SOCS4: variants seen among roughly 807,000 people sequenced by gnomAD.
SOCS4 encodes suppressor of cytokine signaling 4, also known as SH2 domain containing SOCS box protein.
SOCS4 carries 20 observed loss-of-function variants against 34.1 expected under a neutral mutation model. The observed-to-expected ratio is 0.59, with a 90% CI of 0.41 to 0.85. The LOEUF (loss-of-function observed/expected upper bound fraction) is 0.85. Among genes scored for constraint, SOCS4 ranks in the 40% least tolerant of loss-of-function variants. The pLI, the probability that SOCS4 is intolerant of heterozygous loss-of-function variation, is 0.00. For synonymous variants in SOCS4, 180 were observed against 186.4 expected (o/e 0.97, Z 0.28); for missense variants, 479 against 532.4 (o/e 0.90, Z 0.99).
intron 2 of SOCS4, among the ~76,000 whole-genome samples, chr14:55,034,599 C>T (rs554303599): frequency 6.6e-6 from 1 of 151,870 alleles, no homozygotes; most frequent in African/African-American, 2.4e-5. Flanking sequence ...TTTGGGAGGC[C>T]GAGGCAGGTG....
chr14:55,041,848 G>A (rs571451336), intron 2 of SOCS4, among the ~76,000 whole-genome samples: 6 of 128,354 alleles, frequency 4.7e-5, no homozygotes, highest in Admixed American at 1.9e-4. Flanking sequence ...CTGGAGTGCC[G>A]TGGCGCAGTC....
rs2042656277 is a variant in SOCS4 at position 55,044,505 on chromosome 14, C to A, written c.*141C>A. Reference sequence around the variant, plus strand: ...CTGCCCTAAATTTTACTAATAAATCCATTTTTCTAGTGATACACAAATTGT... The same window carrying A: ...CTGCCCTAAATTTTACTAATAAATCAATTTTTCTAGTGATACACAAATTGT... On this transcript the variant is annotated 3_prime_UTR_variant, in exon 3 of 3. Coordinates refer to ENST00000555846, the MANE Select transcript of SOCS4 (RefSeq NM_199421.2). The A allele has an allele frequency of 5.8e-6, 3 of 518,070 alleles. No individual in the cohort carries two copies. The highest frequency in any genetic ancestry group is 9.1e-6 in the Non-Finnish European group (3 of 328,956). The allele number at this position is 518,070 out of a possible 1,614,324, so 32.1% of individuals were successfully genotyped here.
chr14:55,036,076 C>T (rs1469235947), intron 2 of SOCS4, among the ~76,000 whole-genome samples: 1 of 152,182 alleles, frequency 6.6e-6, no homozygotes, highest in Non-Finnish European at 1.5e-5. Context: ...TGTGGGAATG[C>T]ATCCTTGCCA....
At chr14:55,036,059 G>A (rs762678077) in intron 2 of SOCS4, among the ~76,000 whole-genome samples, 18 of 152,066 alleles carry the variant, frequency 1.2e-4, no homozygotes, top group Non-Finnish European at 1.3e-4. Flanking sequence ...GCCTGCCGCC[G>A]CTATGCTGTG....
chr14:55,037,417 G>A (rs575848651), intron 2 of SOCS4, among the ~76,000 whole-genome samples: 7 of 150,958 alleles, frequency 4.6e-5, no homozygotes, highest in Middle Eastern at 3.6e-3. Flanking sequence ...GATTACAGGC[G>A]TGAGCCACCG....
chr14:55,035,422 C>T (rs2140244497), intron 2 of SOCS4, among the ~76,000 whole-genome samples: 1 of 152,258 alleles, frequency 6.6e-6, no homozygotes, highest in Non-Finnish European at 1.5e-5. Flanking sequence ...TGAGTTTCAC[C>T]TGTATCTGAC....
intron 2 of SOCS4, among the ~76,000 whole-genome samples, chr14:55,040,661 AT>A (rs2042609439): frequency 6.6e-6 from 1 of 151,842 alleles, no homozygotes; most frequent in Non-Finnish European, 1.5e-5. Flanking sequence ...GGAGAATGGC[AT>A]GTACCCGGGA....
chr14:55,040,972 A>G (rs955610070), intron 2 of SOCS4, among the ~76,000 whole-genome samples: 2 of 151,098 alleles, frequency 1.3e-5, no homozygotes, highest in African/African-American at 4.9e-5. Context: ...GCTCACTGCA[A>G]CCTCTGCCTC....
rs1194161893 is a variant in SOCS4 at position 55,047,884 on chromosome 14, G to A, written c.*3520G>A. 1.2e-5 allele frequency: 2 copies of A among 167,058 alleles called. No individual in the cohort carries two copies. The highest frequency in any genetic ancestry group is 6.5e-5 in the Admixed American group (1 of 15,276). 10.3% of individuals were successfully genotyped at this position (167,058 alleles called of 1,614,324 possible). ...AGTTTGGATCATTTTATAGATCCAC[G>A]CAATAGAGAGCTTCCTTCCTATGAA... On this transcript the variant is annotated 3_prime_UTR_variant, in exon 3 of 3. Transcript: ENST00000555846.
intron 2 of SOCS4, among the ~76,000 whole-genome samples, chr14:55,040,059 A>G (rs2042604173): frequency 2.0e-5 from 3 of 152,272 alleles, no homozygotes; most frequent in Admixed American, 6.5e-5. Flanking sequence ...TTCAAACCTT[A>G]TTAATAAATG....
At chr14:55,041,038 C>T (rs1190494200) in intron 2 of SOCS4, among the ~76,000 whole-genome samples, 1 of 151,920 alleles carries the variant, frequency 6.6e-6, no homozygotes, top group Non-Finnish European at 1.5e-5. Flanking sequence ...AGGCGTGCGC[C>T]ACCACACCCA....
chr14:55,043,360 A>C lies in SOCS4; in HGVS notation c.319A>C (p.Asn107His). Residue 107 changes from asparagine (N) to histidine (H), a missense_variant, in exon 3 of 3, where the codon AAT (asparagine) becomes CAT (histidine). Transcript: ENST00000555846. Reference protein sequence around the residue: ...DAVGQCFPIKNCSSRHSSGLP... With the variant: ...DAVGQCFPIKHCSSRHSSGLP... Reference sequence around the variant, plus strand: ...CGTGGGGCAGTGTTTTCCAATAAAGAATTGTAGTAGTCGGCACTCTTCAGG... The same window carrying C: ...CGTGGGGCAGTGTTTTCCAATAAAGCATTGTAGTAGTCGGCACTCTTCAGG... 6.2e-7 allele frequency: 1 copy of C among 1,614,224 alleles called. No homozygotes were observed. The highest frequency in any genetic ancestry group is 8.5e-7 in the Non-Finnish European group (1 of 1,180,038).
chr14:55,043,781 C>G lies in SOCS4; in HGVS notation c.740C>G (p.Pro247Arg). 6.2e-7 allele frequency: 1 copy of G among 1,614,010 alleles called. No individual in the cohort carries two copies. The highest frequency in any genetic ancestry group is 8.5e-7 in the Non-Finnish European group (1 of 1,179,990). ...LCTSSRKRNK[P>R]KWDLDDEILQ... ...ACAAGTTCCAGAAAAAGAAACAAAC[C>G]CAAATGGGATTTGGATGATGAAATC... is the stretch of plus-strand genomic sequence containing the variant. The change falls in exon 3 of 3, where the codon CCC becomes CGC. Residue 247 changes from proline to arginine, a missense_variant. Transcript: ENST00000555846.
At position 55,044,462 on chromosome 14, in the gene SOCS4, G is replaced by T; in HGVS notation, c.*98G>T. The T allele has an allele frequency of 2.2e-6, 2 of 926,304 alleles. No individual in the cohort carries two copies. Among genetic ancestry groups the T allele is most frequent in the Non-Finnish European group, 1.4e-6 (1 of 690,364 alleles). The allele number at this position is 926,304 out of a possible 1,614,324, so 57.4% of individuals were successfully genotyped here. ...TTTGGATTTTTCTACAAAGGCAGTGGTGTCCAAAATAAAATCTCTGCCCTA... is the reference window on the plus strand; with the variant it reads ...TTTGGATTTTTCTACAAAGGCAGTGTTGTCCAAAATAAAATCTCTGCCCTA... On this transcript the variant is annotated 3_prime_UTR_variant, in exon 3 of 3. Coordinates refer to ENST00000555846, the MANE Select transcript of SOCS4 (RefSeq NM_199421.2).
At position 55,047,926 on chromosome 14, in the gene SOCS4, CTCTTTTTT is replaced by C. The variant is rs2042691242; in HGVS notation, c.*3564_*3571del. On this transcript the variant is annotated 3_prime_UTR_variant, in exon 3 of 3. Coordinates refer to ENST00000555846, the MANE Select transcript of SOCS4 (RefSeq NM_199421.2). ...TCCTATGAAACAAAAACCTTGAGAT[CTCTTTTTT>C]TTTGAGACAGAGTCTCGCTGTTGTC... 6.0e-6 allele frequency: 1 copy of C among 167,008 alleles called. No individual in the cohort carries two copies. Among genetic ancestry groups the C allele is most frequent in the Admixed American group, 6.5e-5 (1 of 15,278 alleles). The allele number at this position is 167,008 out of a possible 1,614,324, so 10.3% of individuals were successfully genotyped here. A position where few individuals can be genotyped will look rare whatever the true frequency, so the allele number is the denominator to read the frequency against.
chr14:55,034,369 G>A (rs191058960), intron 2 of SOCS4, among the ~76,000 whole-genome samples: 37 of 152,238 alleles, frequency 2.4e-4, no homozygotes, highest in African/African-American at 8.7e-4. Context: ...CAACTTTGAA[G>A]ACTAAAATAT....
chr14:55,032,792 GT>G (rs940266779), intron 2 of SOCS4, among the ~76,000 whole-genome samples: 225 of 148,316 alleles, frequency 1.5e-3, no homozygotes, highest in African/African-American at 5.2e-3. Context: ...TGTATACAAA[GT>G]TTTTTTTTTT....
chr14:55,031,761 G>A (rs1020581143), intron 1 of SOCS4, 102 bp from the exon 2 acceptor site: 1 of 152,314 alleles, frequency 6.6e-6, no homozygotes, highest in East Asian at 1.9e-4. Context: ...ACTGGAAAAT[G>A]AACCTGTATT....
chr14:55,044,044 A>T lies in SOCS4; in HGVS notation c.1003A>T (p.Ile335Phe). The T allele has an allele frequency of 6.2e-7, 1 of 1,614,160 alleles. No individual in the cohort carries two copies. Among genetic ancestry groups the T allele is most frequent in the South Asian group, 1.1e-5 (1 of 91,086 alleles). Residue 335 changes from isoleucine (I) to phenylalanine (F), a missense_variant, in exon 3 of 3, where the codon ATT (isoleucine) becomes TTT (phenylalanine). Ile to Phe is a conservative substitution (Grantham distance 21, BLOSUM62 0). Transcript: ENST00000555846. ...CTATAGTCGTTCTCTTCATGCTAGA[A>T]TTGAACAGTGGAATCACAACTTTAG... ...RRYSRSLHAR[I>F]EQWNHNFSFD...
Sources: allele counts gnomAD v4.1 joint callset (sites outside exome capture counted in the v4.1 genomes callset), GRCh38; gene constraint gnomAD v4.1.1; transcripts MANE v1.5; gene names NCBI Gene and HGNC (gene_info 2026-07-23, HGNC 2026-07-21).